The following WNT2B variants were observed in gnomAD, a reference collection of about 807,000 sequenced individuals.
The protein encoded by WNT2B is protein Wnt-2b.
WNT2B carries 19 observed loss-of-function variants against 40.5 expected under a neutral mutation model. That is an observed-to-expected ratio of 0.47 (90% CI 0.33 to 0.69). WNT2B has a LOEUF of 0.69. WNT2B is among the 30% of genes least tolerant of loss of function. The probability of loss-of-function intolerance (pLI) is 0.02; values close to 1 mark genes in which losing one functional copy is unlikely to be tolerated. For missense variants in WNT2B, 467 were observed against 556.4 expected, an observed-to-expected ratio of 0.84 and a Z score of 1.62; for synonymous variants, 220 against 211.9, an observed-to-expected ratio of 1.04 and a Z score of -0.33.
chr1:112,475,829 A>G (rs1185354027), intron 1 of WNT2B, among the ~76,000 whole-genome samples: 2 of 152,198 alleles, frequency 1.3e-5, no homozygotes, highest in East Asian at 3.8e-4. Flanking sequence ...ATAATCGCTT[A>G]CAATTTAAAT....
chr1:112,516,108 C>G (rs375898876), intron 2 of WNT2B, 32 bp from the exon 3 acceptor site: 1 of 1,586,498 alleles, frequency 6.3e-7, no homozygotes, highest in Non-Finnish European at 8.6e-7. Flanking sequence ...GGGCCTCTTT[C>G]CTGAAGCACA....
chr1:112,467,557 T>A (rs1396505807), exon 1 of WNT2B: 1 of 781,006 alleles, frequency 1.3e-6, no homozygotes, highest in Non-Finnish European at 2.4e-6. Context: ...GGCCTTGGAG[T>A]GGTAGCCATA....
chr1:112,510,711 T>A (rs892971697), intron 1 of WNT2B, among the ~76,000 whole-genome samples: 41 of 151,370 alleles, frequency 2.7e-4, no homozygotes, highest in Admixed American at 2.7e-3. Context: ...TTTTTTTTTT[T>A]AAATCTCTGC....
intron 1 of WNT2B, among the ~76,000 whole-genome samples, chr1:112,498,546 T>G (rs114510933): frequency 6.8e-6 from 1 of 147,586 alleles, no homozygotes; most frequent in Admixed American, 6.8e-5. Flanking sequence ...ATCTCTCTCT[T>G]TTTTTTTTTA....
At chr1:112,474,260 C>G (rs1306519847) in intron 1 of WNT2B, among the ~76,000 whole-genome samples, 1 of 151,940 alleles carries the variant, frequency 6.6e-6, no homozygotes, top group East Asian at 2.0e-4. Flanking sequence ...ATTCTCCTGC[C>G]TCAGCCTCCC....
intron 1 of WNT2B, among the ~76,000 whole-genome samples, chr1:112,482,991 G>C (rs954146987): frequency 5.3e-5 from 8 of 152,080 alleles, no homozygotes; most frequent in Non-Finnish European, 2.9e-5. Flanking sequence ...AAGCAATCTT[G>C]AGCAAGAACA....
At chr1:112,475,686 A>T (rs1651034343) in intron 1 of WNT2B, among the ~76,000 whole-genome samples, 1 of 152,220 alleles carries the variant, frequency 6.6e-6, no homozygotes. Flanking sequence ...CAACCATGAA[A>T]AAAAGCAAAA....
chr1:112,470,761 G>A (rs1045562234), intron 1 of WNT2B, among the ~76,000 whole-genome samples: 11 of 151,772 alleles, frequency 7.2e-5, no homozygotes, highest in African/African-American at 2.7e-4. Flanking sequence ...CCTGGTGGCA[G>A]CAACTGCTGC....
chr1:112,479,903 G>A (rs145241532), intron 1 of WNT2B, among the ~76,000 whole-genome samples: 8,650 of 151,704 alleles, frequency 0.057, 280 homozygotes, highest in Middle Eastern at 0.096. Context: ...TAGTAGAGAC[G>A]GGGTTTCACG....
intron 1 of WNT2B, among the ~76,000 whole-genome samples, chr1:112,486,132 A>AACACACACACACACACACACAC (rs71584737): frequency 0.018 from 2,640 of 143,764 alleles, 59 homozygotes; most frequent in African/African-American, 0.047. Context: ...ATGAGTTTTT[A>AACACACACACACACACACACAC]ACACACACAC....
chr1:112,517,425 C>T (rs1401803595), intron 4 of WNT2B, 40 bp downstream of exon 4: 2 of 1,569,782 alleles, frequency 1.3e-6, no homozygotes, highest in Non-Finnish European at 1.7e-6. Context: ...AGTCCCAGTT[C>T]TTAGTGCAGG....
intron 1 of WNT2B, among the ~76,000 whole-genome samples, chr1:112,499,371 A>G (rs1651875889): frequency 1.3e-5 from 2 of 152,230 alleles, no homozygotes; most frequent in African/African-American, 4.8e-5. Context: ...ACTCAGACTA[A>G]TATCTCTCAT....
At position 112,501,212 on chromosome 1, in the gene WNT2B, G is replaced by A. The variant is rs1368622688; in HGVS notation, c.-94-13662G>A. 2.0e-5 allele frequency among the ~76,000 whole-genome samples: 3 copies of A among 152,120 alleles called. No homozygotes were observed. The South Asian group carries it at 6.2e-4, about 32-fold the overall frequency. ...ATTAGACCGGGGTAATGGGGAGGAG[G>A]ACCACAGAGGGAAAGTGTTGTTTTA... On this transcript the variant is annotated intron_variant, in intron 1 of 4. Coordinates refer to the WNT2B transcript ENST00000256640.
intron 1 of WNT2B, among the ~76,000 whole-genome samples, chr1:112,499,104 G>A (rs1651867391): frequency 6.6e-6 from 1 of 151,882 alleles, no homozygotes; most frequent in Non-Finnish European, 1.5e-5. Context: ...TACTAAGGAG[G>A]CTGAGGCAGG....
rs1220192445 is a variant in WNT2B, at chr1:112,523,023, A to G, written c.*2514A>G. The G allele has an allele frequency of 6.6e-6, 1 of 152,252 alleles. No homozygotes were observed. Among genetic ancestry groups the G allele is most frequent in the Non-Finnish European group, 1.5e-5 (1 of 68,066 alleles). 9.4% of individuals were successfully genotyped at this position (152,252 alleles called of 1,614,324 possible). On this transcript the variant is annotated 3_prime_UTR_variant, in exon 5 of 5. Coordinates refer to ENST00000369684, the MANE Select transcript of WNT2B (RefSeq NM_024494.3). ...TTACCAAAGGAAGCTGCCTTATATT[A>G]TATGCCAGGCTGCTGGGGAAAGCCT... is the stretch of plus-strand genomic sequence containing the variant.
intron 1 of WNT2B, among the ~76,000 whole-genome samples, chr1:112,478,582 A>G (rs929875493): frequency 7.9e-5 from 12 of 152,170 alleles, no homozygotes; most frequent in African/African-American, 2.9e-4. Flanking sequence ...GAAAGAAAAA[A>G]AAATGCCATT....
upstream of WNT2B, among the ~76,000 whole-genome samples, chr1:112,507,256 T>G (rs1331573686): frequency 6.6e-6 from 1 of 152,214 alleles, no homozygotes; most frequent in Non-Finnish European, 1.5e-5. Context: ...TACTCTGTTT[T>G]ACTTCTGATG....
chr1:112,468,532 G>T (rs1200890991), intron 1 of WNT2B, among the ~76,000 whole-genome samples: 1 of 151,706 alleles, frequency 6.6e-6, no homozygotes, highest in African/African-American at 2.4e-5. Context: ...GTTTTGTTTT[G>T]CACTTCCCTA....
rs1264723707 is a variant in WNT2B at position 112,509,229 on chromosome 1, C to T, written c.-34C>T. On this transcript the variant is annotated 5_prime_UTR_variant, in exon 1 of 5. Transcript: ENST00000369684. The surrounding 1 kb of genome is among the most constrained non-coding windows in gnomAD (Gnocchi z 4.2). ...CCCAGAAGGTGCCCCGTCCACGCCC[C>T]TCCGGGCTGCGCGGCGGGAGTCTTC... The T allele has an allele frequency of 6.7e-7, 1 of 1,491,180 alleles. No individual in the cohort carries two copies. The highest frequency in any genetic ancestry group is 2.7e-5 in the East Asian group (1 of 37,052). The allele number at this position is 1,491,180 out of a possible 1,614,324, so 92.4% of individuals were successfully genotyped here.
Sources: allele counts gnomAD v4.1 joint callset (sites outside exome capture counted in the v4.1 genomes callset), GRCh38; gene constraint gnomAD v4.1.1; non-coding constraint Gnocchi (gnomAD v3.1); transcripts MANE v1.5; gene names NCBI Gene and HGNC (gene_info 2026-07-23, HGNC 2026-07-21).